MCTP1: variants seen among roughly 807,000 people sequenced by gnomAD.
The protein encoded by MCTP1 is multiple C2 and transmembrane domain containing 1.
MCTP1 carries 69 observed loss-of-function variants against 120.6 expected under a neutral mutation model. That is an observed-to-expected ratio of 0.57 (90% confidence interval 0.47 to 0.70). The LOEUF is 0.70. Ranked by LOEUF, MCTP1 falls within the 30% of genes least tolerant of loss-of-function variation. The pLI is 0.00. For missense variants in MCTP1, 1,203 were observed against 1,248.8 expected (o/e 0.96, Z 0.55); for synonymous variants, 529 against 493.1 (o/e 1.07, Z -0.96).
At chr5:95,053,161 C>T (rs944912108) in intron 1 of MCTP1, among the ~76,000 whole-genome samples, 11 of 152,244 alleles carry the variant, frequency 7.2e-5, no homozygotes, top group African/African-American at 9.6e-5. Flanking sequence ...GAAGTACAGA[C>T]GGAAGCTTGA....
chr5:94,904,908 C>T (rs1157463304), intron 10 of MCTP1, among the ~76,000 whole-genome samples: 1 of 152,144 alleles, frequency 6.6e-6, no homozygotes, highest in Non-Finnish European at 1.5e-5. Flanking sequence ...TCCCTGCCCT[C>T]GTGGAGCTTA....
rs1785129958 is a variant in MCTP1, at chr5:94,819,195, C to T, written c.2437-20063G>A. Among the ~76,000 whole-genome samples the T allele has an allele frequency of 3.3e-5, 5 of 152,090 alleles. No individual in the cohort carries two copies. In the South Asian group the frequency reaches 1.0e-3, roughly 32 times the overall value. On this transcript the variant is annotated intron_variant, in intron 17 of 22. Coordinates refer to ENST00000515393, the MANE Select transcript of MCTP1 (RefSeq NM_024717.7). ...CCAGGCTGTAGTACAATGGCACGAT[C>T]TCGGCTCACTGAAACCTCTGCCTCC...
intron 7 of MCTP1, among the ~76,000 whole-genome samples, chr5:94,920,778 TAAATAAA>T (rs1561860986): frequency 2.7e-5 from 4 of 150,510 alleles, no homozygotes; most frequent in African/African-American, 9.8e-5. Flanking sequence ...AATAAATAAA[TAAATAAA>T]TAATAAAAAG....
intron 1 of MCTP1, among the ~76,000 whole-genome samples, chr5:95,267,683 G>A (rs1759017031): frequency 6.6e-6 from 1 of 152,206 alleles, no homozygotes; most frequent in Non-Finnish European, 1.5e-5. Context: ...CCCAGACCAA[G>A]GACATGAAGT....
chr5:94,924,963 A>G (rs1210525937), intron 6 of MCTP1, among the ~76,000 whole-genome samples: 1 of 152,244 alleles, frequency 6.6e-6, no homozygotes, highest in African/African-American at 2.4e-5. Flanking sequence ...TTTGAGAAAT[A>G]AAAATATTAG....
intron 1 of MCTP1, among the ~76,000 whole-genome samples, chr5:95,254,004 C>T (rs1282068566): frequency 6.6e-6 from 1 of 152,110 alleles, no homozygotes. Flanking sequence ...ACTTTTATCA[C>T]TGCTAAAAAT....
At chr5:95,280,598 G>A (rs1760234591) in intron 1 of MCTP1, among the ~76,000 whole-genome samples, 1 of 152,144 alleles carries the variant, frequency 6.6e-6, no homozygotes. Flanking sequence ...AATGCATCTG[G>A]TATGACAATA....
chr5:95,121,164 G>T (rs1288209776), intron 1 of MCTP1, among the ~76,000 whole-genome samples: 2 of 150,588 alleles, frequency 1.3e-5, no homozygotes, highest in East Asian at 2.0e-4. Flanking sequence ...TGTAGTCCCA[G>T]CCACTCAGGA....
intron 1 of MCTP1, among the ~76,000 whole-genome samples, chr5:95,199,969 T>C (rs1234364333): frequency 6.6e-6 from 1 of 152,060 alleles, no homozygotes; most frequent in African/African-American, 2.4e-5. Flanking sequence ...AAGATCAGCC[T>C]GGCCAACATG....
chr5:95,011,452 T>C (rs1483115392), intron 2 of MCTP1, among the ~76,000 whole-genome samples: 1 of 152,130 alleles, frequency 6.6e-6, no homozygotes, highest in African/African-American at 2.4e-5. Context: ...TCTGTGTCCC[T>C]ACCCAAATCT....
chr5:95,033,854 T>C (rs1297202201), intron 1 of MCTP1, among the ~76,000 whole-genome samples: 1 of 152,112 alleles, frequency 6.6e-6, no homozygotes, highest in African/African-American at 2.4e-5. Flanking sequence ...CTAGACCTGA[T>C]AAATGAATTC....
chr5:95,096,219 T>C (rs1756255906), intron 1 of MCTP1, among the ~76,000 whole-genome samples: 1 of 152,182 alleles, frequency 6.6e-6, no homozygotes, highest in South Asian at 2.1e-4. Flanking sequence ...AAATTTTTGA[T>C]GGTGGTGGAT....
At chr5:94,807,935 A>G (rs923949440) in intron 17 of MCTP1, among the ~76,000 whole-genome samples, 2 of 152,212 alleles carry the variant, frequency 1.3e-5, no homozygotes, top group Non-Finnish European at 2.9e-5. Flanking sequence ...AAAGCTAGGT[A>G]TATTTCCTAT....
chr5:95,094,287 G>A (rs977025581), intron 1 of MCTP1, among the ~76,000 whole-genome samples: 2 of 152,128 alleles, frequency 1.3e-5, no homozygotes, highest in African/African-American at 4.8e-5. Context: ...TCATGTCCAA[G>A]ATCTTTCTCT....
chr5:94,749,031 T>C (rs1184131014), intron 19 of MCTP1, among the ~76,000 whole-genome samples: 1 of 152,240 alleles, frequency 6.6e-6, no homozygotes, highest in Non-Finnish European at 1.5e-5. Context: ...CAGAGCATTC[T>C]TGTCCTTGAC....
At chr5:95,030,211 A>C (rs776482193) in intron 1 of MCTP1, among the ~76,000 whole-genome samples, 9 of 152,192 alleles carry the variant, frequency 5.9e-5, no homozygotes, top group Non-Finnish European at 1.2e-4. Flanking sequence ...TGTTGGCTCA[A>C]GATGAGGAGC....
At chr5:94,881,567 C>T (rs563195721) in intron 12 of MCTP1, among the ~76,000 whole-genome samples, 133 of 152,080 alleles carry the variant, frequency 8.7e-4, no homozygotes, top group African/African-American at 3.2e-3. Flanking sequence ...GTGGAAAGAT[C>T]TAGATCAGCA....
intron 19 of MCTP1, among the ~76,000 whole-genome samples, chr5:94,715,652 C>T (rs1758953296): frequency 6.6e-6 from 1 of 152,046 alleles, no homozygotes. Flanking sequence ...TGGTGTGACC[C>T]TAGGAGAAAT....
intron 17 of MCTP1, among the ~76,000 whole-genome samples, chr5:94,839,468 A>T (rs1220490174): frequency 2.0e-5 from 3 of 152,218 alleles, no homozygotes; most frequent in Non-Finnish European, 4.4e-5. Flanking sequence ...GAGGGTATGC[A>T]GAGAAAAGGC....
Sources: gnomAD v4.1 joint callset for allele counts (sites outside exome capture counted in the v4.1 genomes callset) on GRCh38, gnomAD v4.1.1 for gene constraint, MANE v1.5 for transcripts, NCBI Gene and HGNC (gene_info 2026-07-23, HGNC 2026-07-21) for gene names.